Variants in FBXW5 observed in about 807,000 individuals in gnomAD.
The protein encoded by FBXW5 is F-box/WD repeat-containing protein 5.
Under a neutral mutation model 50.9 loss-of-function variants are expected in FBXW5, and 74 were observed. The ratio of observed to expected loss-of-function variants is 1.45; its 90% CI spans 1.20 to 1.76. The LOEUF (loss-of-function observed/expected upper bound fraction) is 1.76, where lower values mean the gene tolerates loss of function less well. Ranked by LOEUF, FBXW5 falls within the 40% of genes most tolerant of loss-of-function variation. FBXW5 has a pLI of 0.00. For synonymous variants in FBXW5, 523 were observed against 362.2 expected, an observed-to-expected ratio of 1.44 and a Z score of -5.04; for missense variants, 1,073 against 818.8, an observed-to-expected ratio of 1.31 and a Z score of -3.79.
At chr9:136,944,387 G>C in intron 1 of FBXW5, 3 of 703,862 alleles carry the variant, frequency 4.3e-6, no homozygotes, top group Non-Finnish European at 5.4e-6. Context: ...GGGGACACCA[G>C]GCGCCGTCCG....
Position 136,942,844 on chromosome 9 carries a change from AGTC to A in FBXW5, c.448_450del (p.Asp150del). 3 of 1,613,472 alleles carry A rather than the reference AGTC, an allele frequency of 1.9e-6. No homozygotes were observed. Among genetic ancestry groups the A allele is most frequent in the Non-Finnish European group, 2.5e-6 (3 of 1,179,994 alleles). On this transcript the variant is annotated inframe_deletion, in exon 4 of 9. Transcript: ENST00000325285. ...AACACCCCCGAGGCCAGCAGTAGCG[AGTC>A]GTCCTTGTTGAACTGGGAGAACTGG...
At position 136,943,392 on chromosome 9, in the gene FBXW5, G is replaced by A. The variant is rs773341364; in HGVS notation, c.308C>T (p.Ser103Phe). 5.0e-6 allele frequency: 8 copies of A among 1,612,792 alleles called. No homozygotes were observed. Among genetic ancestry groups the A allele is most frequent in the South Asian group, 1.1e-5 (1 of 91,092 alleles). The change falls in exon 3 of 9, where the codon TCC (serine) becomes TTC (phenylalanine). Residue 103 changes from serine to phenylalanine, a missense_variant. Coordinates refer to ENST00000325285, the MANE Select transcript of FBXW5 (RefSeq NM_018998.4). Reference sequence around the variant, plus strand: ...GGAGCAGGACGCGAACTGGTACCCGGAATGGGAGAAGCTGAGGTGCAGGAC... The same window carrying A: ...GGAGCAGGACGCGAACTGGTACCCGAAATGGGAGAAGCTGAGGTGCAGGAC... Reference protein sequence around the residue: ...DQVLHLSFSHSGYQFASCSKD... With the variant: ...DQVLHLSFSHFGYQFASCSKD...
In FBXW5 at chr9:136,940,807, G is replaced by GT; in HGVS notation, c.*120dup. On this transcript the variant is annotated 3_prime_UTR_variant, in exon 9 of 9. Transcript: ENST00000325285. ...GTGTGTGAGCGTGTGGCGGGGCCTG[G>GT]TTGTCCCCTTCCTAAGGCGTAACTG... 1 of 1,396,486 alleles carries GT rather than the reference G, an allele frequency of 7.2e-7. No individual in the cohort carries two copies. The highest frequency in any genetic ancestry group is 9.5e-7 in the Non-Finnish European group (1 of 1,050,538). The allele number at this position is 1,396,486 out of a possible 1,614,324, so 86.5% of individuals were successfully genotyped here. A position where few individuals can be genotyped will look rare whatever the true frequency, so the allele number is the denominator to read the frequency against.
In FBXW5 at chr9:136,942,920, G is replaced by C. The variant is rs781741068; in HGVS notation, c.375C>G (p.Ile125Met). The change falls in exon 4 of 9, where the codon ATC (isoleucine) becomes ATG (methionine). Residue 125 changes from isoleucine to methionine, a missense_variant. Physicochemically the swap from Ile to Met is conservative, Grantham distance 10. Transcript: ENST00000325285. ...TVKIWSNDLT[I>M]SLLHSADMRP... is the part of the protein sequence containing the mutation. ...GCATGTCCGCGCTGTGCAGCAGCGA[G>C]ATGGTCAGGTCGTTGCTCCAGATCT... 1 of 1,613,408 alleles carries C rather than the reference G, an allele frequency of 6.2e-7. No individual in the cohort carries two copies. The highest frequency in any genetic ancestry group is 2.2e-5 in the East Asian group (1 of 44,858).
chr9:136,942,601 G>A lies in FBXW5; in HGVS notation c.621C>T (p.His207=), dbSNP rs776227327. The change falls in exon 5 of 9, where the codon CAC becomes CAT. Residue 207 remains histidine (H), a synonymous_variant. Coordinates refer to ENST00000325285, the MANE Select transcript of FBXW5 (RefSeq NM_018998.4). ...TETSLISGNL[H]RIGDITSCSV... ...AGCAGGAGGTGATATCTCCGATGCG[G>A]TGCAGGTTCCCCGAGATGAGGCTGG... The A allele has an allele frequency of 6.2e-7, 1 of 1,611,150 alleles. No homozygotes were observed. The highest frequency in any genetic ancestry group is 1.7e-5 in the Admixed American group (1 of 59,658).
Position 136,941,018 on chromosome 9 carries a change from G to A in FBXW5, c.1611C>T (p.Ala537=). ...LTASDDATIK[A]WRSPRTMRVL... Reference sequence around the variant, plus strand: ...CGCGCATGGTGCGTGGGGAGCGCCAGGCTTTGATGGTGGCGTCGTCGCTGG... The same window carrying A: ...CGCGCATGGTGCGTGGGGAGCGCCAAGCTTTGATGGTGGCGTCGTCGCTGG... The change falls in exon 9 of 9, where the codon GCC becomes GCT. Residue 537 remains alanine (A), a synonymous_variant. Transcript: ENST00000325285. 1 of 1,553,526 alleles carries A rather than the reference G, an allele frequency of 6.4e-7. No homozygotes were observed. The highest frequency in any genetic ancestry group is 8.7e-7 in the Non-Finnish European group (1 of 1,148,320).
At chr9:136,944,413 C>A (rs1359127796) in intron 1 of FBXW5, 181 bp downstream of exon 1, 1 of 828,176 alleles carries the variant, frequency 1.2e-6, no homozygotes. Context: ...GGGCTTCCGC[C>A]GAGAGGAAGC....
Position 136,941,405 on chromosome 9 carries a change from G to A in FBXW5, c.1303C>T (p.Gln435Ter). ...ATCTCCTCCGCGATTGGTGGCGGCT[G>A]CATGGGGTCGGCCACCACCGCACCG... ...PNGAVVADPMQPPPIAEEIDL... is the reference protein window; with the variant it reads ...PNGAVVADPM Residue 435 changes from glutamine to a stop codon, truncating the protein, a stop_gained, in exon 8 of 9, where the codon CAG becomes TAG. Transcript: ENST00000325285. LOFTEE classifies it high-confidence loss of function. 6.2e-7 allele frequency: 1 copy of A among 1,610,632 alleles called. No individual in the cohort carries two copies.
At chr9:136,942,014 C>T (rs769147601) in intron 6 of FBXW5, 32 bp downstream of exon 6, 1 of 1,573,416 alleles carries the variant, frequency 6.4e-7, no homozygotes, top group Non-Finnish European at 8.7e-7. Flanking sequence ...GCTCCTAGGA[C>T]CGAGGCGGGC....
Position 136,943,658 on chromosome 9 carries a change from T to G in FBXW5, c.194-152A>C. On this transcript the variant is annotated intron_variant, in intron 2 of 8. Transcript: ENST00000325285. Reference sequence around the variant, plus strand: ...GCCTCGGCTGGGGGATTCAACCCTGTAGCTCACAGAGACCCCTGTACCCCC... The same window carrying G: ...GCCTCGGCTGGGGGATTCAACCCTGGAGCTCACAGAGACCCCTGTACCCCC... 3.4e-6 allele frequency: 4 copies of G among 1,185,106 alleles called. No homozygotes were observed. In the South Asian group the frequency reaches 6.2e-5, roughly 18 times the overall value. The allele number at this position is 1,185,106 out of a possible 1,614,324, so 73.4% of individuals were successfully genotyped here.
Position 136,941,645 on chromosome 9 carries a change from C to T in FBXW5, c.1136G>A (p.Gly379Glu). Residue 379 changes from glycine (G) to glutamate (E), a missense_variant, in exon 7 of 9, where the codon GGG (glycine) becomes GAG (glutamate). Transcript: ENST00000325285. ...QILPHQMTTAGPVLGEGRGSD... is the reference protein window; with the variant it reads ...QILPHQMTTAEPVLGEGRGSD... The stretch of plus-strand genomic sequence containing the variant: ...GCCCCGGCCCTCACCCAGCACGGGC[C>T]CTGCCGTGGTCATCTGGTGTGGCAG... The T allele has an allele frequency of 1.3e-6, 2 of 1,570,892 alleles. No homozygotes were observed. Among genetic ancestry groups the T allele is most frequent in the Non-Finnish European group, 8.6e-7 (1 of 1,158,558 alleles).
rs1850755481 is a variant in FBXW5, at chr9:136,941,369, C to T, written c.1339G>A (p.Val447Met). The T allele has an allele frequency of 6.2e-7, 1 of 1,611,772 alleles. No individual in the cohort carries two copies. Among genetic ancestry groups the T allele is most frequent in the African/African-American group, 1.3e-5 (1 of 75,056 alleles). Residue 447 changes from valine to methionine, a missense_variant, in exon 8 of 9, where the codon GTG becomes ATG. Physicochemically the swap from Val to Met is conservative, Grantham distance 21. Coordinates refer to ENST00000325285, the MANE Select transcript of FBXW5 (RefSeq NM_018998.4). The part of the protein sequence containing the change: ...PPIAEEIDLL[V>M]FDLKTMREVR... ...TCCCGCATGGTCTTGAGGTCGAACA[C>T]CAGCAGGTCAATCTCCTCCGCGATT...
At chr9:136,943,647 A>G in intron 2 of FBXW5, 141 bp from the exon 3 acceptor site, 1 of 1,235,490 alleles carries the variant, frequency 8.1e-7, no homozygotes. Context: ...CGGCTGGGGG[A>G]TTCAACCCTG....
At chr9:136,943,083 AT>A (rs1850861198) in intron 3 of FBXW5, 140 bp from the exon 4 acceptor site, 3 of 1,351,070 alleles carry the variant, frequency 2.2e-6, no homozygotes, top group Non-Finnish European at 3.1e-6. Flanking sequence ...AGCCACTGTC[AT>A]CCACTCGGGG....
In FBXW5 at chr9:136,942,456, G is replaced by T. The variant is rs777160003; in HGVS notation, c.686C>A (p.Ser229Ter). 1 of 1,599,838 alleles carries T rather than the reference G, an allele frequency of 6.3e-7. No individual in the cohort carries two copies. The highest frequency in any genetic ancestry group is 8.5e-7 in the Non-Finnish European group (1 of 1,170,012). The part of the protein sequence containing the change: ...WLNNAFQDVE[S>*]ENVNVVKRLF... ...CCGCTTCACCACGTTGACGTTCTCTGACTCCACATCCTGGGGGCGGGGGCA... is the reference window on the plus strand; with the variant it reads ...CCGCTTCACCACGTTGACGTTCTCTTACTCCACATCCTGGGGGCGGGGGCA... The change falls in exon 6 of 9, where the codon TCA becomes TAA. Residue 229 changes from serine (S) to a stop codon, truncating the protein, a stop_gained. Transcript: ENST00000325285. LOFTEE classifies it high-confidence loss of function.
chr9:136,943,622 T>C, intron 2 of FBXW5, 116 bp from the exon 3 acceptor site: 5 of 1,384,006 alleles, frequency 3.6e-6, no homozygotes, highest in Non-Finnish European at 4.9e-6. Flanking sequence ...AACCCACTAG[T>C]CATGGCATAG....
chr9:136,944,177 C>G (rs1850938831), intron 1 of FBXW5, 71 bp from the exon 2 acceptor site: 1 of 1,417,990 alleles, frequency 7.1e-7, no homozygotes. Context: ...TCCTGTTCCT[C>G]CAGCCCCAAC....
chr9:136,942,692 G>C lies in FBXW5; in HGVS notation c.530C>G (p.Ser177Cys). ...CCGCACGCGGGACAGCAGCGCGAAGGAGTCTGTGGGGAGGCCGGGGCTGGA... is the reference window on the plus strand; with the variant it reads ...CCGCACGCGGGACAGCAGCGCGAAGCAGTCTGTGGGGAGGCCGGGGCTGGA... Reference protein sequence around the residue: ...SGEIAVISLDSFALLSRVRNK... With the variant: ...SGEIAVISLDCFALLSRVRNK... Residue 177 changes from serine (S) to cysteine (C), a missense_variant, in exon 5 of 9, where the codon TCC (serine) becomes TGC (cysteine). Coordinates refer to ENST00000325285, the MANE Select transcript of FBXW5 (RefSeq NM_018998.4). 6.2e-7 allele frequency: 1 copy of C among 1,611,354 alleles called. No homozygotes were observed. Among genetic ancestry groups the C allele is most frequent in the Non-Finnish European group, 8.5e-7 (1 of 1,179,292 alleles).
rs759092279 is a variant in FBXW5, at chr9:136,942,406, C to T, written c.736G>A (p.Ala246Thr). The change falls in exon 6 of 9, where the codon GCC (alanine) becomes ACC (threonine). Residue 246 changes from alanine (A) to threonine (T), a missense_variant. Transcript: ENST00000325285. ...KRLFKIQNLN[A>T]STVRTVMVAD... ...ACCATCACCGTGCGGACGGTGCTGG[C>T]ATTGAGGTTCTGGATCTTGAACAGC... is the stretch of plus-strand genomic sequence containing the variant. 11 of 1,608,812 alleles carry T rather than the reference C, an allele frequency of 6.8e-6. No individual in the cohort carries two copies. Among genetic ancestry groups the T allele is most frequent in the African/African-American group, 5.3e-5 (4 of 74,846 alleles).
Sources: allele counts gnomAD v4.1 joint callset, GRCh38; gene constraint gnomAD v4.1.1; transcripts MANE v1.5; gene names NCBI Gene and HGNC (gene_info 2026-07-23, HGNC 2026-07-21).